Variants in GRID2 observed in about 807,000 individuals in gnomAD.
GRID2 encodes glutamate receptor ionotropic, delta-2.
In GRID2, 33 loss-of-function variants were observed where a neutral mutation model predicts 114.8. The ratio of observed to expected loss-of-function variants is 0.29; its 90% CI spans 0.22 to 0.38. GRID2 has a LOEUF of 0.38. Among genes scored for constraint, GRID2 ranks in the 10% least tolerant of loss-of-function variants. The pLI is 1.00. For synonymous variants in GRID2, 505 were observed against 449.9 expected (o/e 1.12, Z -1.55); for missense variants, 1,184 against 1,257.7 (o/e 0.94, Z 0.89).
At chr4:93,146,889 A>C (rs1039485736) in intron 4 of GRID2, among the ~76,000 whole-genome samples, 1 of 152,128 alleles carries the variant, frequency 6.6e-6, no homozygotes, top group Admixed American at 6.6e-5. Context: ...ACCATATGCT[A>C]GTTTCTAATC....
At chr4:92,783,616 G>A (rs968301270) in intron 2 of GRID2, among the ~76,000 whole-genome samples, 6 of 151,976 alleles carry the variant, frequency 3.9e-5, no homozygotes, top group Non-Finnish European at 8.8e-5. Flanking sequence ...AGAGTTGGTG[G>A]CTTATACCTC....
At chr4:92,697,500 G>C (rs1365055641) in intron 2 of GRID2, among the ~76,000 whole-genome samples, 4 of 152,028 alleles carry the variant, frequency 2.6e-5, no homozygotes, top group African/African-American at 9.7e-5. Flanking sequence ...TACCCTTTAG[G>C]GGCCAGGGAA....
At chr4:92,732,381 G>A (rs1253600989) in intron 2 of GRID2, among the ~76,000 whole-genome samples, 1 of 151,922 alleles carries the variant, frequency 6.6e-6, no homozygotes, top group Admixed American at 6.6e-5. Flanking sequence ...TTTACTGAGT[G>A]TATACTATAT....
At chr4:92,380,195 G>A (rs2110235267) in intron 1 of GRID2, among the ~76,000 whole-genome samples, 1 of 151,514 alleles carries the variant, frequency 6.6e-6, no homozygotes, top group East Asian at 1.9e-4. Context: ...GATATGGTAG[G>A]TCCTTGTGTG....
At chr4:92,950,110 A>G (rs1337457062) in intron 2 of GRID2, among the ~76,000 whole-genome samples, 1 of 152,186 alleles carries the variant, frequency 6.6e-6, no homozygotes, top group Non-Finnish European at 1.5e-5. Context: ...TTCTCTGGCC[A>G]GCTACACACG....
intron 2 of GRID2, among the ~76,000 whole-genome samples, chr4:92,598,529 A>C (rs1729057297): frequency 6.6e-6 from 1 of 152,232 alleles, no homozygotes; most frequent in Middle Eastern, 3.4e-3. Context: ...TTTACCTCGC[A>C]GGGAAAAACA....
intron 2 of GRID2, among the ~76,000 whole-genome samples, chr4:92,793,580 G>A (rs1460271794): frequency 1.3e-5 from 2 of 151,532 alleles, no homozygotes; most frequent in Non-Finnish European, 2.9e-5. Flanking sequence ...AGTTGAAGTA[G>A]GAATGAATGT....
At chr4:93,340,401 G>C (rs1041977544) in intron 8 of GRID2, among the ~76,000 whole-genome samples, 1 of 151,084 alleles carries the variant, frequency 6.6e-6, no homozygotes, top group Admixed American at 6.6e-5. Flanking sequence ...AAATTTCTTT[G>C]GGTTCCTGCT....
intron 2 of GRID2, among the ~76,000 whole-genome samples, chr4:92,880,387 A>AT (rs1048885128): frequency 2.0e-5 from 3 of 152,066 alleles, no homozygotes; most frequent in African/African-American, 4.8e-5. Flanking sequence ...AGTCCATAAT[A>AT]TTTTTTTTCT....
At chr4:93,224,893 G>C in intron 7 of GRID2, 118 bp downstream of exon 7, 1 of 673,012 alleles carries the variant, frequency 1.5e-6, no homozygotes, top group South Asian at 2.1e-5. Flanking sequence ...GTGTAATGGG[G>C]AAATTAAATA....
At chr4:92,988,933 A>G (rs906296886) in intron 2 of GRID2, among the ~76,000 whole-genome samples, 8 of 152,218 alleles carry the variant, frequency 5.3e-5, no homozygotes, top group African/African-American at 1.4e-4. Context: ...TTCCTATAAT[A>G]TTTTAGGTCA....
At chr4:92,341,738 C>T (rs1727499866) in intron 1 of GRID2, among the ~76,000 whole-genome samples, 1 of 151,754 alleles carries the variant, frequency 6.6e-6, no homozygotes, top group Admixed American at 6.6e-5. Flanking sequence ...CACGGTGAAA[C>T]CCCATCTCTA....
chr4:92,489,844 TAA>T (rs34912004), intron 1 of GRID2, among the ~76,000 whole-genome samples: 68 of 132,552 alleles, frequency 5.1e-4, no homozygotes, highest in Admixed American at 1.1e-3. Flanking sequence ...AGACTCCATT[TAA>T]AAAAAAAAAA....
chr4:92,583,332 A>G (rs1728268075), intron 1 of GRID2, among the ~76,000 whole-genome samples: 1 of 132,800 alleles, frequency 7.5e-6, no homozygotes, highest in African/African-American at 2.8e-5. Flanking sequence ...AATTGTCTCT[A>G]ATTCAGAATA....
intron 8 of GRID2, among the ~76,000 whole-genome samples, chr4:93,240,100 A>G (rs1302667695): frequency 1.3e-5 from 2 of 151,630 alleles, no homozygotes; most frequent in Non-Finnish European, 3.0e-5. Flanking sequence ...ATTCTTGGAT[A>G]TACATCTTGG....
At chr4:92,713,598 T>C (rs1735388455) in intron 2 of GRID2, among the ~76,000 whole-genome samples, 1 of 149,204 alleles carries the variant, frequency 6.7e-6, no homozygotes, top group African/African-American at 2.5e-5. Flanking sequence ...TACTTGACAC[T>C]GGGCAATTTG....
chr4:93,133,868 A>C (rs1222153907), intron 4 of GRID2, among the ~76,000 whole-genome samples: 1 of 152,240 alleles, frequency 6.6e-6, no homozygotes, highest in Non-Finnish European at 1.5e-5. Flanking sequence ...TTGATCTTCT[A>C]TAATGATGTG....
At chr4:93,200,846 GTT>G (rs923053700) in intron 4 of GRID2, among the ~76,000 whole-genome samples, 9 of 152,116 alleles carry the variant, frequency 5.9e-5, no homozygotes, top group Non-Finnish European at 1.2e-4. Context: ...GAAAAAAATG[GTT>G]TCTGTGGTCA....
chr4:93,455,851 C>T lies in GRID2; in HGVS notation c.1735C>T (p.Leu579=), dbSNP rs2149412172. The change falls in exon 11 of 16, where the codon CTG becomes TTG. Residue 579 remains leucine, a synonymous_variant. Transcript: ENST00000282020. ...LWACIAGTVL[L]VGLLVYLLNW... ...GGCTTGCATTGCTGGCACAGTCCTTCTGGTGGGTCTACTGGTCTACCTCTT... is the reference window on the plus strand; with the variant it reads ...GGCTTGCATTGCTGGCACAGTCCTTTTGGTGGGTCTACTGGTCTACCTCTT... 3 of 1,612,080 alleles carry T rather than the reference C, an allele frequency of 1.9e-6. No homozygotes were observed. The highest frequency in any genetic ancestry group is 1.3e-5 in the African/African-American group (1 of 75,014).
Sources: gnomAD v4.1 joint callset for allele counts (sites outside exome capture counted in the v4.1 genomes callset) on GRCh38, gnomAD v4.1.1 for gene constraint, MANE v1.5 for transcripts, NCBI Gene and HGNC (gene_info 2026-07-23, HGNC 2026-07-21) for gene names.